SH3TC2: variants seen among roughly 807,000 people sequenced by gnomAD.
SH3TC2 encodes the protein SH3 domain and tetratricopeptide repeat-containing protein 2.
SH3TC2 carries 87 observed loss-of-function variants against 124.5 expected under a neutral mutation model. That is an observed-to-expected ratio of 0.70 (90% CI 0.59 to 0.84). The LOEUF (loss-of-function observed/expected upper bound fraction) is 0.84, where lower values mean the gene tolerates loss of function less well. Ranked by LOEUF, SH3TC2 falls within the 40% of genes least tolerant of loss-of-function variation. The probability of loss-of-function intolerance (pLI) is 0.00; values close to 1 mark genes in which losing one functional copy is unlikely to be tolerated. For synonymous variants in SH3TC2, 634 were observed against 628.5 expected (o/e 1.01, Z -0.13); for missense variants, 1,536 against 1,566.4 (o/e 0.98, Z 0.33).
rs1007373698 is a variant in SH3TC2 at position 149,027,536 on chromosome 5, A to C, written c.2196T>G (p.Val732=). Residue 732 remains valine (V), a synonymous_variant, in exon 11 of 17, where the codon GTT becomes GTG. Coordinates refer to ENST00000515425, the MANE Select transcript of SH3TC2 (RefSeq NM_024577.4). Reference sequence around the variant, plus strand: ...TGAGCATTGGGCAGGCCAAGGCAGAAACTTCACCCCAGCCTGGGGAAGGAA... The same window carrying C: ...TGAGCATTGGGCAGGCCAAGGCAGACACTTCACCCCAGCCTGGGGAAGGAA... ...LGFPSPGWGE[V]SALACPMLRQ... is the part of the protein sequence containing the mutation. 1.9e-6 allele frequency: 3 copies of C among 1,614,072 alleles called. No homozygotes were observed. In the African/African-American group the frequency reaches 4.0e-5, roughly 22 times the overall value.
Position 148,986,671 on chromosome 5 carries a change from T to C in SH3TC2, c.*18040A>G, listed in dbSNP as rs560073983. ...TTGAGTACATGACAGATACCTTTTT[T>C]GACAAATTATTAAGCCACTTGTTAG... On this transcript the variant is annotated 3_prime_UTR_variant, in exon 17 of 17. Coordinates refer to ENST00000515425, the MANE Select transcript of SH3TC2 (RefSeq NM_024577.4). Among the ~76,000 whole-genome samples the C allele has an allele frequency of 6.6e-6, 1 of 152,322 alleles. No individual in the cohort carries two copies. The highest frequency in any genetic ancestry group is 2.1e-4 in the South Asian group (1 of 4,820).
chr5:149,022,511 T>C (rs1384464795), intron 12 of SH3TC2, among the ~76,000 whole-genome samples: 2 of 152,220 alleles, frequency 1.3e-5, no homozygotes, highest in Non-Finnish European at 2.9e-5. Context: ...TATAGAATTA[T>C]GGTGTGACTC....
rs552475810 is a variant in SH3TC2 at position 148,990,175 on chromosome 5, C to G, written c.*14536G>C. On this transcript the variant is annotated 3_prime_UTR_variant, in exon 17 of 17. Transcript: ENST00000515425. ...GCTAGGCTACTCTGTTTTGTTCTTT[C>G]TCTGATTTATTCCTGTCTCTGCTTG... Among the ~76,000 whole-genome samples the G allele has an allele frequency of 1.3e-5, 2 of 152,056 alleles. No homozygotes were observed. The highest frequency in any genetic ancestry group is 4.8e-5 in the African/African-American group (2 of 41,388).
intron 11 of SH3TC2, 41 bp downstream of exon 11, chr5:149,026,819 A>C: frequency 1.2e-6 from 2 of 1,614,180 alleles, no homozygotes; most frequent in Non-Finnish European, 1.7e-6. Flanking sequence ...TTGATCCAAC[A>C]CTTTTCTCTA....
At chr5:149,029,102 G>A (rs1350877481) in intron 9 of SH3TC2, among the ~76,000 whole-genome samples, 1 of 152,186 alleles carries the variant, frequency 6.6e-6, no homozygotes, top group African/African-American at 2.4e-5. Context: ...GCGAGTTCAC[G>A]ATGGAGCCAG....
At position 149,028,208 on chromosome 5, in the gene SH3TC2, CACAA is replaced by C. The variant is rs1561765311; in HGVS notation, c.1520_1523del (p.Phe507TrpfsTer16). Reference sequence around the variant, plus strand: ...ACTTTCTTGATGCCTCCAGGTAGGCCACAAACTCATCCTCCTCAGAGAAGCTATA... The same window carrying C: ...ACTTTCTTGATGCCTCCAGGTAGGCCACTCATCCTCCTCAGAGAAGCTATA... On this transcript the variant is annotated frameshift_variant, in exon 11 of 17. Coordinates refer to ENST00000515425, the MANE Select transcript of SH3TC2 (RefSeq NM_024577.4). LOFTEE classifies it high-confidence loss of function. The C allele has an allele frequency of 6.2e-7, 1 of 1,614,076 alleles. No individual in the cohort carries two copies. Among genetic ancestry groups the C allele is most frequent in the Non-Finnish European group, 8.5e-7 (1 of 1,180,032 alleles).
intron 9 of SH3TC2, among the ~76,000 whole-genome samples, chr5:149,030,007 T>C (rs79320824): frequency 0.031 from 4,740 of 152,170 alleles, 242 homozygotes; most frequent in African/African-American, 0.11. Flanking sequence ...TCTCCAGAGA[T>C]TGTCATTGCA....
At position 148,988,527 on chromosome 5, in the gene SH3TC2, C is replaced by T. The variant is rs535652526; in HGVS notation, c.*16184G>A. Among the ~76,000 whole-genome samples, 1 of 152,210 alleles carries T rather than the reference C, an allele frequency of 6.6e-6. No individual in the cohort carries two copies. The highest frequency in any genetic ancestry group is 1.5e-5 in the Non-Finnish European group (1 of 68,036). ...TGGAATGCACTCTCTTGGAACCAGC[C>T]ACCATGCTGTAAGACGGCCAAGCCA... is the stretch of plus-strand genomic sequence containing the variant. On this transcript the variant is annotated 3_prime_UTR_variant, in exon 17 of 17. Transcript: ENST00000515425.
intron 12 of SH3TC2, among the ~76,000 whole-genome samples, chr5:149,016,012 G>C (rs1025461566): frequency 7.2e-5 from 11 of 152,130 alleles, no homozygotes; most frequent in Admixed American, 7.2e-4. Flanking sequence ...AAGTTTTCCT[G>C]CACATTTCTA....
In SH3TC2 at chr5:149,028,686, C is replaced by T; in HGVS notation, c.1168G>A (p.Asp390Asn). 1 of 1,614,208 alleles carries T rather than the reference C, an allele frequency of 6.2e-7. No individual in the cohort carries two copies. Among genetic ancestry groups the T allele is most frequent in the East Asian group, 2.2e-5 (1 of 44,876 alleles). ...GFESIQNPPN[D>N]LSASQPEGFK... is the part of the protein sequence containing the mutation. ...CATGATCGCTACTCACCACTCAGAT[C>T]ATTTGGAGGATTCTGGATGGATTCA... The change falls in exon 10 of 17, where the codon GAT becomes AAT. Residue 390 changes from aspartate to asparagine, a missense_variant. Physicochemically the swap from Asp to Asn is conservative, Grantham distance 23 (BLOSUM62 1). Transcript: ENST00000515425.
intron 9 of SH3TC2, 118 bp from the exon 10 acceptor site, chr5:149,028,836 T>A (rs1210914703): frequency 9.9e-7 from 1 of 1,005,964 alleles, no homozygotes; most frequent in Non-Finnish European, 1.6e-6. Context: ...AGACCTTCAG[T>A]CATCATTAAG....
intron 6 of SH3TC2, 44 bp downstream of exon 6, chr5:149,041,372 A>G (rs1438845868): frequency 3.8e-6 from 6 of 1,598,854 alleles, no homozygotes; most frequent in Admixed American, 3.4e-5. Flanking sequence ...TGCAAACCTC[A>G]GTCTGCTCTG....
intron 2 of SH3TC2, among the ~76,000 whole-genome samples, chr5:149,049,537 G>A (rs1385612056): frequency 2.0e-5 from 3 of 152,154 alleles, no homozygotes; most frequent in Non-Finnish European, 1.5e-5. Context: ...GAGGTCAAGG[G>A]AGGAGGAGCA....
chr5:149,034,226 C>T (rs1754245834), intron 8 of SH3TC2, among the ~76,000 whole-genome samples: 1 of 145,510 alleles, frequency 6.9e-6, no homozygotes, highest in Non-Finnish European at 1.5e-5. Flanking sequence ...TTAAGAACTA[C>T]ATGGGTGGGT....
chr5:149,008,606 G>C, intron 15 of SH3TC2: 1 of 574,508 alleles, frequency 1.7e-6, no homozygotes, highest in Non-Finnish European at 3.1e-6. Flanking sequence ...CTGTTACATG[G>C]ATAATCACTG....
In SH3TC2 at chr5:149,003,908, TC is replaced by T; in HGVS notation, c.*802del. On this transcript the variant is annotated 3_prime_UTR_variant, in exon 17 of 17. Transcript: ENST00000515425. ...GTATTCTCTCCCATCCATCAAGTCC[TC>T]CATCTCATCTGCCCCCATTGTGGAT... is the stretch of plus-strand genomic sequence containing the variant. The T allele has an allele frequency of 3.0e-6, 1 of 330,378 alleles. No individual in the cohort carries two copies. The highest frequency in any genetic ancestry group is 2.4e-5 in the South Asian group (1 of 42,288). 20.5% of individuals were successfully genotyped at this position (330,378 alleles called of 1,614,324 possible).
At position 149,010,300 on chromosome 5, in the gene SH3TC2, G is replaced by A; in HGVS notation, c.3297C>T (p.Arg1099=). The change falls in exon 14 of 17, where the codon CGC becomes CGT. Residue 1099 remains arginine, a synonymous_variant. Coordinates refer to ENST00000515425, the MANE Select transcript of SH3TC2 (RefSeq NM_024577.4). ...EAGDVFFNGT[R]HRHHAVEYYR... Reference sequence around the variant, plus strand: ...AGTACTCCACTGCATGATGCCTGTGGCGGGTCCCATTGAAGAACACATCAC... The same window carrying A: ...AGTACTCCACTGCATGATGCCTGTGACGGGTCCCATTGAAGAACACATCAC... The A allele has an allele frequency of 6.2e-7, 1 of 1,614,182 alleles. No homozygotes were observed. Among genetic ancestry groups the A allele is most frequent in the Non-Finnish European group, 8.5e-7 (1 of 1,180,038 alleles).
At position 149,028,663 on chromosome 5, in the gene SH3TC2, T is replaced by A; in HGVS notation, c.1177+14A>T. The A allele has an allele frequency of 6.2e-7, 1 of 1,614,198 alleles. No individual in the cohort carries two copies. The highest frequency in any genetic ancestry group is 2.2e-5 in the East Asian group (1 of 44,862). ...TCAAGGATGAATGTCAGGTTCAGCA[T>A]GATCGCTACTCACCACTCAGATCAT... On this transcript the variant is annotated intron_variant, in intron 10 of 16. Coordinates refer to ENST00000515425, the MANE Select transcript of SH3TC2 (RefSeq NM_024577.4).
At chr5:149,053,861 T>TA (rs1754598530) in intron 1 of SH3TC2, among the ~76,000 whole-genome samples, 1 of 152,048 alleles carries the variant, frequency 6.6e-6, no homozygotes, top group Non-Finnish European at 1.5e-5. Flanking sequence ...CTCATGAAGA[T>TA]AAAGAGTAGA....
Sources: gnomAD v4.1 joint callset for allele counts (sites outside exome capture counted in the v4.1 genomes callset) on GRCh38, gnomAD v4.1.1 for gene constraint, MANE v1.5 for transcripts, NCBI Gene and HGNC (gene_info 2026-07-23, HGNC 2026-07-21) for gene names.